The following PWP1 variants were observed in gnomAD, a reference collection of about 807,000 sequenced individuals.
PWP1 encodes periodic tryptophan protein 1 homolog.
Under a neutral mutation model 69.9 loss-of-function variants are expected in PWP1, and 47 were observed. That is an observed-to-expected ratio of 0.67 (90% CI 0.53 to 0.86). PWP1 has a LOEUF of 0.86. Ranked by LOEUF, PWP1 falls within the 40% of genes least tolerant of loss-of-function variation. PWP1 has a pLI of 0.00. For synonymous variants in PWP1, 222 were observed against 208.2 expected (o/e 1.07, Z -0.57); for missense variants, 551 against 608.8 (o/e 0.91, Z 1.00).
At chr12:107,706,112 T>G (rs1371500019) in intron 11 of PWP1, among the ~76,000 whole-genome samples, 1 of 152,238 alleles carries the variant, frequency 6.6e-6, no homozygotes. Context: ...AGATGGTATC[T>G]CATTGTGGTT....
At chr12:107,705,835 A>G (rs1013822414) in intron 11 of PWP1, among the ~76,000 whole-genome samples, 1 of 152,006 alleles carries the variant, frequency 6.6e-6, no homozygotes, top group African/African-American at 2.4e-5. Flanking sequence ...AATATGCACT[A>G]TATGTATGTG....
In PWP1 at chr12:107,697,470, A is replaced by G. The variant is rs1184567796; in HGVS notation, c.617A>G (p.Asn206Ser). Reference sequence around the variant, plus strand: ...CATGCATTGTTTCCTCCCATAGGAAATTACATTGCTGTAGGAAACATGACC... The same window carrying G: ...CATGCATTGTTTCCTCCCATAGGAAGTTACATTGCTGTAGGAAACATGACC... The part of the protein sequence containing the change: ...FDPSPDDSTG[N>S]YIAVGNMTPV... The change falls in exon 7 of 15, where the codon AAT becomes AGT. Residue 206 changes from asparagine (N) to serine (S), a missense_variant. Coordinates refer to ENST00000412830, the MANE Select transcript of PWP1 (RefSeq NM_007062.3). 1.3e-6 allele frequency: 2 copies of G among 1,578,690 alleles called. No individual in the cohort carries two copies. The highest frequency in any genetic ancestry group is 1.7e-6 in the Non-Finnish European group (2 of 1,167,882).
At chr12:107,695,393 A>G (rs1889563122) in intron 5 of PWP1, among the ~76,000 whole-genome samples, 1 of 152,214 alleles carries the variant, frequency 6.6e-6, no homozygotes, top group African/African-American at 2.4e-5. Flanking sequence ...GATGTGATAG[A>G]GCATTACACA....
chr12:107,697,540 G>A lies in PWP1; in HGVS notation c.687G>A (p.Glu229=), dbSNP rs1211183424. The part of the protein sequence containing the change: ...VWDLDIVDSL[E]PVFTLGSKLS... ...ACCTTGATATAGTGGACTCTTTAGAGCCAGTCTTCACACTCGGAAGTAAAC... is the reference window on the plus strand; with the variant it reads ...ACCTTGATATAGTGGACTCTTTAGAACCAGTCTTCACACTCGGAAGTAAAC... The change falls in exon 7 of 15, where the codon GAG becomes GAA. Residue 229 remains glutamate, a synonymous_variant. Transcript: ENST00000412830. The A allele has an allele frequency of 6.2e-7, 1 of 1,610,594 alleles. No individual in the cohort carries two copies. The highest frequency in any genetic ancestry group is 1.7e-4 in the Middle Eastern group (1 of 6,032).
intron 3 of PWP1, among the ~76,000 whole-genome samples, chr12:107,690,915 G>A (rs1889468428): frequency 6.6e-6 from 1 of 152,206 alleles, no homozygotes; most frequent in Admixed American, 6.5e-5. Flanking sequence ...ATCTGGAAGA[G>A]CAGTGTAGTT....
Position 107,685,983 on chromosome 12 carries a change from T to C in PWP1, c.72+12T>C. On this transcript the variant is annotated intron_variant, in intron 1 of 14. Transcript: ENST00000412830. ...AGACACCAGACAAGGTGAGGCCTGG[T>C]CGCTGGGAGACAAGGGGAGCAGCGT... 6.2e-7 allele frequency: 1 copy of C among 1,613,446 alleles called. No individual in the cohort carries two copies. The highest frequency in any genetic ancestry group is 8.5e-7 in the Non-Finnish European group (1 of 1,179,612).
intron 14 of PWP1, 60 bp downstream of exon 14, chr12:107,710,570 A>AAAT: frequency 6.8e-7 from 1 of 1,474,078 alleles, no homozygotes; most frequent in Non-Finnish European, 9.1e-7. Flanking sequence ...AAAAAAAAAA[A>AAAT]AAAGACAGGG....
intron 14 of PWP1, 40 bp downstream of exon 14, chr12:107,710,550 T>A: frequency 9.0e-7 from 1 of 1,111,350 alleles, no homozygotes; most frequent in South Asian, 1.8e-5. Flanking sequence ...CCCCTGCCCC[T>A]GTAAAAAAAA....
chr12:107,692,801 A>G lies in PWP1; in HGVS notation c.320-13A>G. On this transcript the variant is annotated splice_polypyrimidine_tract_variant and intron_variant, in intron 3 of 14. Transcript: ENST00000412830. Reference sequence around the variant, plus strand: ...ACTATTTTATTATTGTAGTTTGTCAATTTTTCTTACAGATGCTGAGACTCT... The same window carrying G: ...ACTATTTTATTATTGTAGTTTGTCAGTTTTTCTTACAGATGCTGAGACTCT... 6.3e-7 allele frequency: 1 copy of G among 1,599,378 alleles called. No individual in the cohort carries two copies. The highest frequency in any genetic ancestry group is 8.5e-7 in the Non-Finnish European group (1 of 1,171,052).
At chr12:107,699,148 A>G (rs1889652872) in intron 7 of PWP1, among the ~76,000 whole-genome samples, 1 of 152,110 alleles carries the variant, frequency 6.6e-6, no homozygotes, top group Admixed American at 6.5e-5. Context: ...AATCCCAGCT[A>G]CTTGAGAGGC....
At chr12:107,699,332 G>A (rs1341050199) in intron 7 of PWP1, 41 bp from the exon 8 acceptor site, 4 of 1,426,802 alleles carry the variant, frequency 2.8e-6, no homozygotes, top group Non-Finnish European at 2.9e-6. Flanking sequence ...TTATTATGAG[G>A]GGGACTTTAA....
intron 14 of PWP1, 42 bp downstream of exon 14, chr12:107,710,552 TAAAAAAAAA>T (rs35371581): frequency 1.8e-5 from 21 of 1,158,108 alleles, no homozygotes; most frequent in Admixed American, 3.6e-5. Context: ...CCTGCCCCTG[TAAAAAAAAA>T]AAAAAAAAAA....
At chr12:107,688,305 TAG>T (rs1889413266) in intron 1 of PWP1, 141 bp from the exon 2 acceptor site, 1 of 580,122 alleles carries the variant, frequency 1.7e-6, no homozygotes, top group African/African-American at 1.9e-5. Flanking sequence ...TTTTTTAATA[TAG>T]AGTCTGGATT....
intron 14 of PWP1, among the ~76,000 whole-genome samples, chr12:107,710,819 AG>A (rs1168609346): frequency 2.0e-5 from 3 of 152,242 alleles, no homozygotes; most frequent in African/African-American, 7.2e-5. Context: ...AAAGTAGTGT[AG>A]TCTTTTTAGG....
chr12:107,693,108 A>G lies in PWP1; in HGVS notation c.502+12A>G, dbSNP rs747218002. 6.3e-6 allele frequency: 10 copies of G among 1,575,212 alleles called. No homozygotes were observed. Among genetic ancestry groups the G allele is most frequent in the Non-Finnish European group, 8.6e-7 (1 of 1,164,974 alleles). ...TTTAGAGGTGCATGGTAAGTGATAA[A>G]TCCCTTATTAAAAGATTTTCTAAGT... is the stretch of plus-strand genomic sequence containing the variant. On this transcript the variant is annotated intron_variant, in intron 5 of 14. Transcript: ENST00000412830.
intron 11 of PWP1, among the ~76,000 whole-genome samples, chr12:107,706,798 T>C (rs551194532): frequency 2.0e-5 from 3 of 152,372 alleles, no homozygotes; most frequent in African/African-American, 4.8e-5. Context: ...TTTTGGTTAC[T>C]GTAGCCTTGT....
At chr12:107,697,958 GTTGAATTC>G in intron 7 of PWP1, 3 of 362,310 alleles carry the variant, frequency 8.3e-6, no homozygotes, top group South Asian at 6.5e-5. Context: ...CTGTTATCAT[GTTGAATTC>G]TAATTATCCA....
At chr12:107,710,622 A>C (rs1412755676) in intron 14 of PWP1, 112 bp downstream of exon 14, 1 of 1,405,898 alleles carries the variant, frequency 7.1e-7, no homozygotes, top group Non-Finnish European at 9.3e-7. Flanking sequence ...TCCTGGCCTC[A>C]AGCAATCCTT....
intron 5 of PWP1, among the ~76,000 whole-genome samples, chr12:107,694,298 G>A (rs1466250441): frequency 2.6e-5 from 4 of 152,106 alleles, no homozygotes; most frequent in Admixed American, 1.3e-4. Flanking sequence ...TCTTCAGATC[G>A]TCTTGAAACT....
Sources: allele counts gnomAD v4.1 joint callset (sites outside exome capture counted in the v4.1 genomes callset), GRCh38; gene constraint gnomAD v4.1.1; transcripts MANE v1.5; gene names NCBI Gene and HGNC (gene_info 2026-07-23, HGNC 2026-07-21).